The following ANKRD33B variants were observed in gnomAD, a reference collection of about 807,000 sequenced individuals.
ANKRD33B encodes the protein ankyrin repeat domain-containing protein 33B.
Under a neutral mutation model 21.5 loss-of-function variants are expected in ANKRD33B, and 6 were observed. The ratio of observed to expected loss-of-function variants is 0.28; its 90% CI spans 0.15 to 0.55. The LOEUF is 0.55. Ranked by LOEUF, ANKRD33B falls within the 20% of genes least tolerant of loss-of-function variation. ANKRD33B has a pLI of 0.94. For missense variants in ANKRD33B, 698 were observed against 747.2 expected (o/e 0.93, Z 0.77); for synonymous variants, 347 against 342.4 (o/e 1.01, Z -0.15).
intron 2 of ANKRD33B, chr5:10,624,846 A>C: frequency 2.2e-6 from 1 of 456,348 alleles, no homozygotes; most frequent in Non-Finnish European, 4.4e-6. Context: ...GTGGAAACAC[A>C]GACTGCCAGG....
chr5:10,632,285 C>G (rs1736739917), intron 2 of ANKRD33B, among the ~76,000 whole-genome samples: 1 of 152,034 alleles, frequency 6.6e-6, no homozygotes, highest in Non-Finnish European at 1.5e-5. Context: ...GAGGGGTTTG[C>G]GTGAGGTCGG....
chr5:10,617,086 A>G (rs1736300079), intron 1 of ANKRD33B, among the ~76,000 whole-genome samples: 1 of 152,178 alleles, frequency 6.6e-6, no homozygotes, highest in African/African-American at 2.4e-5. Context: ...CACTAATCCC[A>G]TTCATGAGGA....
At chr5:10,612,206 T>C in intron 1 of ANKRD33B, among the ~76,000 whole-genome samples, 1 of 152,242 alleles carries the variant, frequency 6.6e-6, no homozygotes, top group East Asian at 1.9e-4. Context: ...TTAGTCCGTT[T>C]AGGCTGCTAT....
chr5:10,564,596 C>A lies in ANKRD33B; in HGVS notation c.129C>A (p.Phe43Leu), dbSNP rs1464284300. ...CTGACTACGAAGAGTTTGAGGACTT[C>A]TCGAGTCTGCCAGACACCCGCAGCA... The part of the protein sequence containing the change: ...DPADYEEFED[F>L]SSLPDTRSIA... Residue 43 changes from phenylalanine (F) to leucine (L), a missense_variant, in exon 1 of 4, where the codon TTC (phenylalanine) becomes TTA (leucine). Phe to Leu is a conservative substitution (Grantham distance 22). Transcript: ENST00000296657. The A allele has an allele frequency of 1.3e-6, 2 of 1,534,840 alleles. No individual in the cohort carries two copies. The highest frequency in any genetic ancestry group is 1.7e-6 in the Non-Finnish European group (2 of 1,146,616).
chr5:10,647,396 A>T (rs1362574864), intron 3 of ANKRD33B, among the ~76,000 whole-genome samples: 1 of 152,194 alleles, frequency 6.6e-6, no homozygotes, highest in African/African-American at 2.4e-5. Flanking sequence ...GGTGTGAGCC[A>T]CTATGCCTGG....
chr5:10,603,153 G>A (rs1172039230), intron 1 of ANKRD33B, among the ~76,000 whole-genome samples: 1 of 152,010 alleles, frequency 6.6e-6, no homozygotes, highest in African/African-American at 2.4e-5. Flanking sequence ...TTCTAGAAAA[G>A]GATGGGAGGC....
intron 3 of ANKRD33B, among the ~76,000 whole-genome samples, chr5:10,649,038 CG>C (rs1042482318): frequency 3.3e-5 from 5 of 152,184 alleles, no homozygotes; most frequent in Admixed American, 2.6e-4. Flanking sequence ...GCTTGAGCCC[CG>C]GAAGTCGAGG....
intron 1 of ANKRD33B, among the ~76,000 whole-genome samples, chr5:10,583,659 C>T (rs1052357491): frequency 4.6e-5 from 7 of 152,164 alleles, no homozygotes; most frequent in African/African-American, 1.2e-4. Flanking sequence ...TGGCACGCCT[C>T]GCTGCTCTCT....
chr5:10,597,485 G>T (rs1231498803), intron 1 of ANKRD33B, among the ~76,000 whole-genome samples: 1 of 152,200 alleles, frequency 6.6e-6, no homozygotes, highest in African/African-American at 2.4e-5. Context: ...TCAACAAGAA[G>T]AGCTAACTAT....
intron 1 of ANKRD33B, among the ~76,000 whole-genome samples, chr5:10,609,841 G>A (rs368818202): frequency 3.4e-4 from 52 of 152,258 alleles, no homozygotes; most frequent in African/African-American, 1.3e-3. Flanking sequence ...CCCAGGAGAT[G>A]GAGGCTGCCG....
At chr5:10,572,378 T>C (rs1341742452) in intron 1 of ANKRD33B, among the ~76,000 whole-genome samples, 1 of 152,112 alleles carries the variant, frequency 6.6e-6, no homozygotes, top group Non-Finnish European at 1.5e-5. Context: ...CAGGGCCTAC[T>C]TTTCAACAAA....
rs928221670 is a variant in ANKRD33B at position 10,654,130 on chromosome 5, A to T, written c.*4017A>T. 6.6e-6 allele frequency: 1 copy of T among 152,416 alleles called. No individual in the cohort carries two copies. Among genetic ancestry groups the T allele is most frequent in the Non-Finnish European group, 1.5e-5 (1 of 68,128 alleles). The allele number at this position is 152,416 out of a possible 1,614,324, so 9.4% of individuals were successfully genotyped here. A position where few individuals can be genotyped will look rare whatever the true frequency, so the allele number is the denominator to read the frequency against. On this transcript the variant is annotated 3_prime_UTR_variant, in exon 4 of 4. Transcript: ENST00000296657. ...AGAAAAGCCAGGGCCTGTGTGGGGC[A>T]ATGTGTTGTCCCTGTCGGGTTATGG...
chr5:10,578,000 G>T (rs1223526569), intron 1 of ANKRD33B, among the ~76,000 whole-genome samples: 1 of 152,224 alleles, frequency 6.6e-6, no homozygotes, highest in Non-Finnish European at 1.5e-5. Flanking sequence ...AGCTGGCACA[G>T]CCTGTGAGGG....
chr5:10,590,607 CGTGT>C lies in ANKRD33B; in HGVS notation c.366+25791_366+25794del, dbSNP rs796913943. Among the ~76,000 whole-genome samples the C allele has an allele frequency of 4.0e-3, 339 of 84,438 alleles. 2 individuals are homozygous for C. Among genetic ancestry groups the C allele is most frequent in the Admixed American group, 1.3e-3 (11 of 8,642 alleles). The allele number at this position is 84,438 out of a possible 152,430, so 55.4% of individuals were successfully genotyped here. Reference sequence around the variant, plus strand: ...TTTGAGATGCGCGCGCGCGCGCGCGCGTGTGTGTGTGTGTGTGTGTTTTCAGCCA... The same window carrying C: ...TTTGAGATGCGCGCGCGCGCGCGCGCGTGTGTGTGTGTGTGTTTTCAGCCA... On this transcript the variant is annotated intron_variant, in intron 1 of 3. Coordinates refer to ENST00000296657, the MANE Select transcript of ANKRD33B (RefSeq NM_001164440.2).
chr5:10,650,115 G>A lies in ANKRD33B; in HGVS notation c.*2G>A, dbSNP rs778535886. 1.3e-6 allele frequency: 2 copies of A among 1,502,970 alleles called. No homozygotes were observed. The highest frequency in any genetic ancestry group is 2.5e-5 in the South Asian group (2 of 81,244). 93.1% of individuals were successfully genotyped at this position (1,502,970 alleles called of 1,614,324 possible). On this transcript the variant is annotated 3_prime_UTR_variant, in exon 4 of 4. Transcript: ENST00000296657. ...GCGCCCTGGAAGAAGAGGACGTGAG[G>A]GCCCGTGTGCCTGGCGCTGGGGCCG...
Position 10,635,237 on chromosome 5 carries a change from C to T in ANKRD33B, c.497-2791C>T, listed in dbSNP as rs1736828276. On this transcript the variant is annotated intron_variant, in intron 2 of 3. Coordinates refer to ENST00000296657, the MANE Select transcript of ANKRD33B (RefSeq NM_001164440.2). The stretch of plus-strand genomic sequence containing the variant: ...ATTTCACAGTTTAAAGAAATGGCTC[C>T]AAAGGAATTGCAATTCATTTTACTA... Among the ~76,000 whole-genome samples the T allele has an allele frequency of 3.3e-5, 5 of 152,132 alleles. No individual in the cohort carries two copies. The South Asian group carries it at 8.3e-4, about 25-fold the overall frequency.
At chr5:10,589,368 A>G (rs1459223993) in intron 1 of ANKRD33B, among the ~76,000 whole-genome samples, 4 of 152,070 alleles carry the variant, frequency 2.6e-5, no homozygotes, top group Non-Finnish European at 4.4e-5. Context: ...AGTGTCCCTC[A>G]CTGTGCTGCA....
In ANKRD33B at chr5:10,564,459, G is replaced by A; in HGVS notation, c.-9G>A. ...GCCCCGGCCCCCGGCCCGCGCCCCG[G>A]CCGCCGGCATGGTGCTGCTGGCCGG... On this transcript the variant is annotated 5_prime_UTR_variant, in exon 1 of 4. Transcript: ENST00000296657. 14 of 1,161,590 alleles carry A rather than the reference G, an allele frequency of 1.2e-5. No homozygotes were observed. In the South Asian group the frequency reaches 4.2e-4, roughly 35 times the overall value. 72.0% of individuals were successfully genotyped at this position (1,161,590 alleles called of 1,614,324 possible). A position where few individuals can be genotyped will look rare whatever the true frequency, so the allele number is the denominator to read the frequency against.
intron 1 of ANKRD33B, among the ~76,000 whole-genome samples, chr5:10,581,086 T>C (rs1735434486): frequency 6.6e-6 from 1 of 152,180 alleles, no homozygotes; most frequent in South Asian, 2.1e-4. Flanking sequence ...AGGCTGCTTC[T>C]CTGCAGTGTG....
Sources: gnomAD v4.1 joint callset for allele counts (sites outside exome capture counted in the v4.1 genomes callset) on GRCh38, gnomAD v4.1.1 for gene constraint, MANE v1.5 for transcripts, NCBI Gene and HGNC (gene_info 2026-07-23, HGNC 2026-07-21) for gene names.